Variants in COL11A1 observed in about 807,000 individuals in gnomAD.
COL11A1 encodes the protein collagen alpha-1(XI) chain.
A neutral mutation model predicts 265.2 loss-of-function variants in COL11A1; 74 were observed. The ratio of observed to expected loss-of-function variants is 0.28; its 90% confidence interval spans 0.23 to 0.34. The LOEUF is 0.34. Among genes scored for constraint, COL11A1 ranks in the 10% least tolerant of loss-of-function variants. The pLI, the probability that COL11A1 is intolerant of heterozygous loss-of-function variation, is 1.00. For missense variants in COL11A1, 2,165 were observed against 2,263.6 expected (o/e 0.96, Z 0.88); for synonymous variants, 816 against 727.6 (o/e 1.12, Z -1.96).
At chr1:102,901,860 C>T (rs932705189) in intron 54 of COL11A1, among the ~76,000 whole-genome samples, 1 of 152,004 alleles carries the variant, frequency 6.6e-6, no homozygotes, top group Admixed American at 6.6e-5. Flanking sequence ...TTTAAATATC[C>T]CTTATATTCC....
chr1:103,025,855 G>A, intron 6 of COL11A1: 1 of 1,613,498 alleles, frequency 6.2e-7, no homozygotes, highest in Non-Finnish European at 8.5e-7. Context: ...CTTCTTGGAT[G>A]AAAATTTTTC....
At chr1:102,958,264 A>G (rs1270623816) in intron 41 of COL11A1, among the ~76,000 whole-genome samples, 3 of 151,942 alleles carry the variant, frequency 2.0e-5, no homozygotes, top group African/African-American at 4.8e-5. Flanking sequence ...CACCTTTTCT[A>G]TTAACATTGC....
rs4013849 is a variant in COL11A1, at chr1:103,006,526, A to ATTTTTTTTTT, written c.1684-221_1684-212dup. Among the ~76,000 whole-genome samples, 107 of 82,886 alleles carry ATTTTTTTTTT rather than the reference A, an allele frequency of 1.3e-3. 14 individuals carry two copies. The highest frequency in any genetic ancestry group is 1.8e-3 in the East Asian group (4 of 2,190). The allele number at this position is 82,886 out of a possible 152,430, so 54.4% of individuals were successfully genotyped here. On this transcript the variant is annotated intron_variant, in intron 15 of 66. Coordinates refer to ENST00000370096, the MANE Select transcript of COL11A1 (RefSeq NM_001854.4). ...ATACCTATTTTTTCTAAATGGCTCC[A>ATTTTTTTTTT]TTTTTTTTTTTTTTTTTTTTTTTTT...
At chr1:102,910,598 A>T (rs1363841830) in intron 54 of COL11A1, among the ~76,000 whole-genome samples, 1 of 152,130 alleles carries the variant, frequency 6.6e-6, no homozygotes, top group Non-Finnish European at 1.5e-5. Context: ...TTGTATGATG[A>T]TTATCCCTGT....
intron 4 of COL11A1, among the ~76,000 whole-genome samples, chr1:103,047,172 C>T (rs1388115527): frequency 6.6e-6 from 1 of 152,128 alleles, no homozygotes; most frequent in Non-Finnish European, 1.5e-5. Flanking sequence ...ATGGGGACGG[C>T]ATTGAATCTG....
At chr1:102,879,381 C>A (rs547814374) in intron 66 of COL11A1, among the ~76,000 whole-genome samples, 1 of 152,068 alleles carries the variant, frequency 6.6e-6, no homozygotes, top group African/African-American at 2.4e-5. Context: ...TTTTTATTTT[C>A]TTTTTCATTT....
intron 42 of COL11A1, 80 bp from the exon 43 acceptor site, chr1:102,940,514 G>A: frequency 9.9e-7 from 1 of 1,009,082 alleles, no homozygotes; most frequent in South Asian, 1.4e-5. Context: ...TTCTATATTT[G>A]ACAAGGATAT....
intron 35 of COL11A1, among the ~76,000 whole-genome samples, chr1:102,976,699 T>C (rs1005749754): frequency 5.9e-5 from 9 of 152,128 alleles, no homozygotes; most frequent in Non-Finnish European, 1.3e-4. Flanking sequence ...GATGACTAGA[T>C]AAAATATCCA....
chr1:102,895,547 A>G (rs1416319503), intron 57 of COL11A1, among the ~76,000 whole-genome samples: 1 of 151,176 alleles, frequency 6.6e-6, no homozygotes, highest in Admixed American at 6.6e-5. Context: ...TTGGATATGG[A>G]TGTGAATATA....
intron 54 of COL11A1, among the ~76,000 whole-genome samples, chr1:102,909,354 C>T (rs944278097): frequency 6.6e-6 from 1 of 152,148 alleles, no homozygotes; most frequent in Non-Finnish European, 1.5e-5. Flanking sequence ...ATGTTGGCAT[C>T]ATGCTTCCTG....
chr1:103,009,062 T>C (rs145986686), intron 14 of COL11A1, among the ~76,000 whole-genome samples: 1 of 152,332 alleles, frequency 6.6e-6, no homozygotes, highest in African/African-American at 2.4e-5. Context: ...CCAGGTTGGT[T>C]TGTTTTTTCC....
At position 103,025,538 on chromosome 1, in the gene COL11A1, C is replaced by A. The variant is rs746633493; in HGVS notation, c.973G>T (p.Val325Phe). The A allele has an allele frequency of 3.1e-6, 5 of 1,612,698 alleles. No homozygotes were observed. The Admixed American group carries it at 8.3e-5, about 27-fold the overall frequency. ...CGTATTACCTCATTTGTCCCAGAAACATGCCTAGGAGCTTCTGTCTGGTAA... is the reference window on the plus strand; with the variant it reads ...CGTATTACCTCATTTGTCCCAGAAAAATGCCTAGGAGCTTCTGTCTGGTAA... ...ESYQTEAPRH[V>F]SGTNEPNPVE... The change falls in exon 7 of 67, where the codon GTT becomes TTT. Residue 325 changes from valine to phenylalanine, a missense_variant. By Grantham distance (50) the Val-to-Phe change is conservative. Transcript: ENST00000370096.
intron 54 of COL11A1, among the ~76,000 whole-genome samples, chr1:102,904,769 T>A (rs1486823116): frequency 6.6e-6 from 1 of 152,076 alleles, no homozygotes; most frequent in African/African-American, 2.4e-5. Context: ...ACTTTTACAC[T>A]GTTGGTGGGA....
chr1:102,877,818 A>G lies in COL11A1; in HGVS notation c.*201T>C, dbSNP rs148602088. ...TCAGCCCTGTTTCCATCTTAGCCAC[A>G]CCAACTTATATCTTTATGATTTTCA... On this transcript the variant is annotated 3_prime_UTR_variant, in exon 67 of 67. Transcript: ENST00000370096. 5.6e-6 allele frequency: 3 copies of G among 533,126 alleles called. No homozygotes were observed. Among genetic ancestry groups the G allele is most frequent in the East Asian group, 6.4e-5 (2 of 31,422 alleles). 33.0% of individuals were successfully genotyped at this position (533,126 alleles called of 1,614,324 possible).
Position 103,017,192 on chromosome 1 carries a change from T to G in COL11A1, c.1413+628A>C, listed in dbSNP as rs187943920. On this transcript the variant is annotated intron_variant, in intron 11 of 66. Coordinates refer to ENST00000370096, the MANE Select transcript of COL11A1 (RefSeq NM_001854.4). ...CTGACCTTAAATAGCTGTTACTCAG[T>G]CCAGAATTTCTGAAATAGTTAAAAA... 6.4e-3 allele frequency among the ~76,000 whole-genome samples: 972 copies of G among 152,210 alleles called. 17 individuals are homozygous for G. Among genetic ancestry groups the G allele is most frequent in the African/African-American group, 0.022 (919 of 41,578 alleles).
chr1:102,982,199 G>T (rs1663104560), intron 31 of COL11A1, among the ~76,000 whole-genome samples: 1 of 151,986 alleles, frequency 6.6e-6, no homozygotes, highest in Admixed American at 6.6e-5. Flanking sequence ...ATTAAAAAAT[G>T]TTGGATACCT....
At chr1:102,970,104 T>A in intron 37 of COL11A1, 115 bp downstream of exon 37, 6 of 669,848 alleles carry the variant, frequency 9.0e-6, no homozygotes, top group Non-Finnish European at 1.3e-5. Flanking sequence ...GGAATTAATT[T>A]TTCCATTTTT....
intron 4 of COL11A1, among the ~76,000 whole-genome samples, chr1:103,047,665 C>T (rs1669412538): frequency 6.6e-6 from 1 of 152,170 alleles, no homozygotes; most frequent in African/African-American, 2.4e-5. Context: ...TGAGAGAGGG[C>T]ATCCCTGTCT....
At chr1:103,013,833 A>G (rs557623815) in intron 13 of COL11A1, among the ~76,000 whole-genome samples, 1 of 152,126 alleles carries the variant, frequency 6.6e-6, no homozygotes. Flanking sequence ...TAAAAATGTT[A>G]TATGAATTCC....
Sources: gnomAD v4.1 joint callset for allele counts (sites outside exome capture counted in the v4.1 genomes callset) on GRCh38, gnomAD v4.1.1 for gene constraint, MANE v1.5 for transcripts, NCBI Gene and HGNC (gene_info 2026-07-23, HGNC 2026-07-21) for gene names.